CNTNAP4: variants seen among roughly 807,000 people sequenced by gnomAD.
CNTNAP4 encodes the protein contactin associated protein family member 4, also known as contactin-associated protein-like 4.
CNTNAP4 carries 98 observed loss-of-function variants against 148.4 expected under a neutral mutation model. The ratio of observed to expected loss-of-function variants is 0.66; its 90% CI spans 0.56 to 0.78. The LOEUF (loss-of-function observed/expected upper bound fraction) is 0.78. Ranked by LOEUF, CNTNAP4 falls within the 30% of genes least tolerant of loss-of-function variation. CNTNAP4 has a pLI of 0.00. For synonymous variants in CNTNAP4, 730 were observed against 565.1 expected (o/e 1.29, Z -4.14); for missense variants, 1,935 against 1,565.6 (o/e 1.24, Z -3.98).
chr16:76,300,703 G>A (rs906883838), intron 1 of CNTNAP4, among the ~76,000 whole-genome samples: 1 of 152,106 alleles, frequency 6.6e-6, no homozygotes, highest in African/African-American at 2.4e-5. Context: ...TAACGTGGTT[G>A]AGATATAGCA....
chr16:76,308,851 G>T (rs578250877), intron 1 of CNTNAP4, among the ~76,000 whole-genome samples: 3 of 152,194 alleles, frequency 2.0e-5, no homozygotes, highest in East Asian at 1.9e-4. Flanking sequence ...TAGAGATGGG[G>T]TCTTGCTCTG....
chr16:76,389,059 A>T (rs1257395509), intron 3 of CNTNAP4, among the ~76,000 whole-genome samples: 1 of 152,238 alleles, frequency 6.6e-6, no homozygotes, highest in Non-Finnish European at 1.5e-5. Context: ...TATAAAGAAC[A>T]CTGTCTAGTA....
At chr16:76,341,927 A>G (rs555295698) in intron 2 of CNTNAP4, among the ~76,000 whole-genome samples, 1 of 152,328 alleles carries the variant, frequency 6.6e-6, no homozygotes, top group East Asian at 1.9e-4. Context: ...CTATCGAGTC[A>G]CAGAAGGAGG....
chr16:76,421,861 C>G (rs1013182359), intron 3 of CNTNAP4, among the ~76,000 whole-genome samples: 6 of 152,100 alleles, frequency 3.9e-5, no homozygotes, highest in Non-Finnish European at 8.8e-5. Context: ...TGGAGCTGGA[C>G]TGATTTCTAT....
chr16:76,442,009 A>G (rs866786351), intron 4 of CNTNAP4, among the ~76,000 whole-genome samples: 11 of 152,182 alleles, frequency 7.2e-5, no homozygotes, highest in Non-Finnish European at 1.5e-4. Flanking sequence ...AGTCCCTGAA[A>G]CCTGTAAATA....
At chr16:76,371,847 T>A (rs1469639404) in intron 3 of CNTNAP4, among the ~76,000 whole-genome samples, 1 of 152,236 alleles carries the variant, frequency 6.6e-6, no homozygotes, top group African/African-American at 2.4e-5. Context: ...ATCTAAGGCA[T>A]GTCTGCCAAA....
intron 23 of CNTNAP4, chr16:76,557,963 C>T (rs2085264387): frequency 6.6e-6 from 1 of 152,184 alleles, no homozygotes; most frequent in African/African-American, 2.4e-5. Context: ...GTTAAAACAA[C>T]ATTCCTCATA....
At chr16:76,511,241 C>T (rs2083014453) in intron 15 of CNTNAP4, among the ~76,000 whole-genome samples, 1 of 152,100 alleles carries the variant, frequency 6.6e-6, no homozygotes, top group African/African-American at 2.4e-5. Flanking sequence ...AATCAAAGCA[C>T]CCTGAAGCCT....
intron 3 of CNTNAP4, among the ~76,000 whole-genome samples, chr16:76,414,374 G>T (rs924846494): frequency 6.6e-6 from 1 of 151,294 alleles, no homozygotes; most frequent in African/African-American, 2.4e-5. Flanking sequence ...GAATTAACTC[G>T]ATTGAGATAT....
chr16:76,483,145 T>C (rs940070936), intron 12 of CNTNAP4, among the ~76,000 whole-genome samples: 1 of 151,998 alleles, frequency 6.6e-6, no homozygotes, highest in African/African-American at 2.4e-5. Context: ...TCCGGATCTA[T>C]ACACATACAC....
chr16:76,385,689 C>T (rs1001935258), intron 3 of CNTNAP4, among the ~76,000 whole-genome samples: 4 of 152,024 alleles, frequency 2.6e-5, no homozygotes, highest in African/African-American at 9.7e-5. Flanking sequence ...CCGTGAGCCT[C>T]TGACTGCAAT....
At chr16:76,415,301 C>A (rs1033382097) in intron 3 of CNTNAP4, among the ~76,000 whole-genome samples, 2 of 151,004 alleles carry the variant, frequency 1.3e-5, no homozygotes, top group South Asian at 4.2e-4. Context: ...ATTGCATGAC[C>A]TTCTTCAAAG....
At chr16:76,502,068 C>CAAA (rs60515495) in intron 15 of CNTNAP4, among the ~76,000 whole-genome samples, 326 of 134,922 alleles carry the variant, frequency 2.4e-3, no homozygotes, top group Admixed American at 3.7e-3. Flanking sequence ...GACTCCGTCT[C>CAAA]AAAAAAAAAA....
intron 15 of CNTNAP4, among the ~76,000 whole-genome samples, chr16:76,518,917 A>T (rs2083354259): frequency 6.6e-6 from 1 of 152,050 alleles, no homozygotes; most frequent in South Asian, 2.1e-4. Context: ...AGGGAATTTT[A>T]AACCACCTAA....
At chr16:76,515,315 C>T (rs1357828357) in intron 15 of CNTNAP4, among the ~76,000 whole-genome samples, 1 of 152,096 alleles carries the variant, frequency 6.6e-6, no homozygotes, top group East Asian at 1.9e-4. Flanking sequence ...GCCCTAACCC[C>T]AATGTGACTA....
At chr16:76,510,922 A>G (rs939658411) in intron 15 of CNTNAP4, among the ~76,000 whole-genome samples, 1 of 152,070 alleles carries the variant, frequency 6.6e-6, no homozygotes, top group African/African-American at 2.4e-5. Context: ...TTCACCTTGT[A>G]TGTGACTTGC....
chr16:76,397,267 C>T (rs1421471685), intron 3 of CNTNAP4, among the ~76,000 whole-genome samples: 7 of 151,566 alleles, frequency 4.6e-5, no homozygotes, highest in African/African-American at 2.4e-5. Flanking sequence ...TGGTAGAAGA[C>T]AAAAAATGAA....
At chr16:76,553,776 C>A in intron 22 of CNTNAP4, 60 bp from the exon 23 acceptor site, 2 of 1,076,102 alleles carry the variant, frequency 1.9e-6, no homozygotes, top group East Asian at 2.4e-5. Context: ...ATGATGTTTT[C>A]AAAATTTCTT....
At chr16:76,552,724 C>T (rs566490826) in intron 21 of CNTNAP4, among the ~76,000 whole-genome samples, 1 of 152,216 alleles carries the variant, frequency 6.6e-6, no homozygotes, top group East Asian at 1.9e-4. Context: ...GAGGTATGGC[C>T]TCCACTGCAT....
Sources: gnomAD v4.1 joint callset for allele counts (sites outside exome capture counted in the v4.1 genomes callset) on GRCh38, gnomAD v4.1.1 for gene constraint, MANE v1.5 for transcripts, NCBI Gene and HGNC (gene_info 2026-07-23, HGNC 2026-07-21) for gene names.